MTUS1: variants seen among roughly 807,000 people sequenced by gnomAD.
MTUS1 encodes microtubule-associated tumor suppressor 1.
MTUS1 carries 109 observed loss-of-function variants against 120.8 expected under a neutral mutation model. That is an observed-to-expected ratio of 0.90 (90% CI 0.77 to 1.06). The LOEUF is 1.06. Among genes scored for constraint, MTUS1 ranks in the 50% least tolerant of loss-of-function variants. MTUS1 has a pLI of 0.00. For missense variants in MTUS1, 2,210 were observed against 1,486.3 expected, an observed-to-expected ratio of 1.49 and a Z score of -8.01; for synonymous variants, 737 against 550.5, an observed-to-expected ratio of 1.34 and a Z score of -4.74.
intron 1 of MTUS1, among the ~76,000 whole-genome samples, chr8:17,761,963 CTA>C (rs890610241): frequency 6.6e-6 from 1 of 152,172 alleles, no homozygotes; most frequent in African/African-American, 2.4e-5. Context: ...AACATCTAAG[CTA>C]TCATTTTATC....
rs899635607 is a variant in MTUS1 at position 17,702,761 on chromosome 8, T to A, written c.2623+10453A>T. 3.3e-5 allele frequency among the ~76,000 whole-genome samples: 5 copies of A among 152,204 alleles called. No homozygotes were observed. The South Asian group carries it at 1.0e-3, about 32-fold the overall frequency. ...GTGCACATATATGCCATATTTGCTT[T>A]ATCCTATGGACACATTTAGGTTGTT... is the stretch of plus-strand genomic sequence containing the variant. On this transcript the variant is annotated intron_variant, in intron 6 of 14. Coordinates refer to ENST00000693296, the MANE Select transcript of MTUS1 (RefSeq NM_001363059.2).
chr8:17,780,968 C>T (rs1054096177), intron 1 of MTUS1: 1 of 152,192 alleles, frequency 6.6e-6, no homozygotes, highest in African/African-American at 2.4e-5. Context: ...ACTTCATAGT[C>T]AATCCTGAGG....
intron 2 of MTUS1, among the ~76,000 whole-genome samples, chr8:17,750,741 T>G (rs1393540317): frequency 6.6e-6 from 1 of 152,192 alleles, no homozygotes; most frequent in East Asian, 1.9e-4. Flanking sequence ...CTGAGCAAAG[T>G]GCCTGACCCA....
At chr8:17,657,799 CAAAAAA>C (rs1216051789) in intron 8 of MTUS1, among the ~76,000 whole-genome samples, 1 of 91,264 alleles carries the variant, frequency 1.1e-5, no homozygotes, top group Non-Finnish European at 2.0e-5. Context: ...GACCCTATCT[CAAAAAA>C]AAAAAAAAAA....
Position 17,753,713 on chromosome 8 carries a change from T to G in MTUS1, c.2091+4A>C. On this transcript the variant is annotated splice_donor_region_variant and intron_variant, in intron 2 of 14. Coordinates refer to ENST00000693296, the MANE Select transcript of MTUS1 (RefSeq NM_001363059.2). ...CATGCAAAAAATATATATATATTACTTACCAAAAACAGAGAACCATATTCA... is the reference window on the plus strand; with the variant it reads ...CATGCAAAAAATATATATATATTACGTACCAAAAACAGAGAACCATATTCA... 6.3e-7 allele frequency: 1 copy of G among 1,575,440 alleles called. No individual in the cohort carries two copies. Among genetic ancestry groups the G allele is most frequent in the Non-Finnish European group, 8.6e-7 (1 of 1,162,044 alleles).
chr8:17,784,295 GTTT>G (rs34896566), intron 1 of MTUS1, among the ~76,000 whole-genome samples: 1 of 125,420 alleles, frequency 8.0e-6, no homozygotes, highest in Non-Finnish European at 1.6e-5. Flanking sequence ...TCTTACAACT[GTTT>G]TTTTTTTTTT....
chr8:17,727,040 AC>A (rs2046270826), intron 3 of MTUS1, among the ~76,000 whole-genome samples: 1 of 152,250 alleles, frequency 6.6e-6, no homozygotes, highest in South Asian at 2.1e-4. Context: ...AGGAAAGCTT[AC>A]CCCGGCAACC....
intron 9 of MTUS1, among the ~76,000 whole-genome samples, chr8:17,655,380 T>C (rs1195957405): frequency 6.6e-6 from 1 of 152,036 alleles, no homozygotes; most frequent in Non-Finnish European, 1.5e-5. Context: ...AAAGAAAGGG[T>C]TGTTTTTTCA....
At chr8:17,727,053 A>G (rs1253859674) in intron 3 of MTUS1, among the ~76,000 whole-genome samples, 4 of 152,102 alleles carry the variant, frequency 2.6e-5, no homozygotes, top group Non-Finnish European at 5.9e-5. Context: ...CCGGCAACCA[A>G]ATATCATTTC....
chr8:17,759,597 TTATATATATA>T (rs550552810), intron 1 of MTUS1, among the ~76,000 whole-genome samples: 1 of 147,372 alleles, frequency 6.8e-6, no homozygotes, highest in African/African-American at 2.5e-5. Context: ...TATGTATATT[TTATATATATA>T]TATAAAAGTT....
rs1585423694 is a variant in MTUS1 at position 17,654,806 on chromosome 8, A to G, written c.3109-140T>C. On this transcript the variant is annotated intron_variant, in intron 9 of 14. Transcript: ENST00000693296. ...GTTTAAAGGCTCCTCAACACATACAAAGGTCAGGGCAGTGGTTCACACTTG... is the reference window on the plus strand; with the variant it reads ...GTTTAAAGGCTCCTCAACACATACAGAGGTCAGGGCAGTGGTTCACACTTG... 3 of 637,914 alleles carry G rather than the reference A, an allele frequency of 4.7e-6. No homozygotes were observed. The East Asian group carries it at 8.2e-5, about 17-fold the overall frequency. 39.5% of individuals were successfully genotyped at this position (637,914 alleles called of 1,614,324 possible).
chr8:17,679,941 T>C (rs1375615606), intron 7 of MTUS1, among the ~76,000 whole-genome samples: 1 of 152,252 alleles, frequency 6.6e-6, no homozygotes, highest in Non-Finnish European at 1.5e-5. Flanking sequence ...TCTCCGTTCA[T>C]ATGTTCACTC....
intron 6 of MTUS1, chr8:17,697,427 C>G: frequency 1.3e-6 from 2 of 1,599,208 alleles, no homozygotes. Flanking sequence ...TTTCCATGGA[C>G]TGTCACATAC....
intron 6 of MTUS1, among the ~76,000 whole-genome samples, chr8:17,689,664 G>C (rs1045659313): frequency 6.6e-6 from 1 of 152,112 alleles, no homozygotes; most frequent in Non-Finnish European, 1.5e-5. Flanking sequence ...AACCAAAAAA[G>C]CATGGCACTG....
chr8:17,744,963 C>T (rs1181788186), intron 2 of MTUS1, among the ~76,000 whole-genome samples: 1 of 152,138 alleles, frequency 6.6e-6, no homozygotes, highest in Non-Finnish European at 1.5e-5. Flanking sequence ...TGACTGATGT[C>T]CTCTGTCTCC....
chr8:17,767,191 A>T (rs966703774), intron 1 of MTUS1, among the ~76,000 whole-genome samples: 5 of 2,770 alleles, frequency 1.8e-3, no homozygotes, highest in African/African-American at 3.2e-3. Flanking sequence ...CTCAGGGTAA[A>T]AAAAAAAAAA....
chr8:17,653,829 C>G (rs1453987880), intron 10 of MTUS1: 1 of 222,018 alleles, frequency 4.5e-6, no homozygotes, highest in Non-Finnish European at 8.6e-6. Flanking sequence ...GTCTGGAAAC[C>G]CTGTGCTCTT....
intron 3 of MTUS1, among the ~76,000 whole-genome samples, chr8:17,742,291 G>T (rs623528): frequency 0.5 from 47,239 of 94,282 alleles, 11,052 homozygotes; most frequent in East Asian, 0.68. Context: ...TGTTGTTGTT[G>T]TTTTTTTTTT....
intron 8 of MTUS1, among the ~76,000 whole-genome samples, chr8:17,664,553 G>A (rs1230838459): frequency 7.3e-5 from 11 of 150,644 alleles, no homozygotes; most frequent in Admixed American, 1.3e-4. Context: ...TCTCTTGGCC[G>A]CCTGGGAAAC....
Sources: allele counts gnomAD v4.1 joint callset (sites outside exome capture counted in the v4.1 genomes callset), GRCh38; gene constraint gnomAD v4.1.1; transcripts MANE v1.5; gene names NCBI Gene and HGNC (gene_info 2026-07-23, HGNC 2026-07-21).